The following ACAT2 variants were observed in gnomAD, a reference collection of about 807,000 sequenced individuals.
ACAT2 encodes the protein acetyl-CoA acetyltransferase, cytosolic.
In ACAT2, 26 loss-of-function variants were observed where a neutral mutation model predicts 37.1. The ratio of observed to expected loss-of-function variants is 0.70; its 90% confidence interval spans 0.51 to 0.97. The LOEUF (loss-of-function observed/expected upper bound fraction) is 0.97. Among genes scored for constraint, ACAT2 ranks in the 50% least tolerant of loss-of-function variants. The pLI is 0.00. For missense variants in ACAT2, 468 were observed against 489.0 expected (o/e 0.96, Z 0.40); for synonymous variants, 156 against 163.6 (o/e 0.95, Z 0.35).
intron 4 of ACAT2, among the ~76,000 whole-genome samples, chr6:159,771,319 G>A (rs958228588): frequency 2.0e-5 from 3 of 152,156 alleles, no homozygotes; most frequent in Admixed American, 6.5e-5. Flanking sequence ...GGCGGAGGTT[G>A]CGTTGAGCTG....
chr6:159,775,399 AT>A, intron 5 of ACAT2, 86 bp downstream of exon 5: 1 of 1,449,674 alleles, frequency 6.9e-7, no homozygotes, highest in Non-Finnish European at 9.4e-7. Context: ...ATCTTTAGAA[AT>A]TATATCTTAG....
chr6:159,762,714 G>C (rs768048368), intron 1 of ACAT2: 2 of 1,526,802 alleles, frequency 1.3e-6, no homozygotes, highest in Non-Finnish European at 1.8e-6. Context: ...TCTGGAGGTC[G>C]CCTGTCCAGC....
At position 159,778,164 on chromosome 6, in the gene ACAT2, C is replaced by T; in HGVS notation, c.913-6C>T. ...TAGACCTCTTTTCTATGAATCTTTC[C>T]TCTAGGTTACAAAAGCAGGTTGGTC... is the stretch of plus-strand genomic sequence containing the variant. On this transcript the variant is annotated splice_region_variant and splice_polypyrimidine_tract_variant and intron_variant, in intron 7 of 8. Coordinates refer to ENST00000367048, the MANE Select transcript of ACAT2 (RefSeq NM_005891.3). 1 of 1,598,098 alleles carries T rather than the reference C, an allele frequency of 6.3e-7. No individual in the cohort carries two copies. The highest frequency in any genetic ancestry group is 8.6e-7 in the Non-Finnish European group (1 of 1,168,280).
At position 159,779,053 on chromosome 6, in the gene ACAT2, T is replaced by A. The variant is rs1062659; in HGVS notation, c.*224T>A. On this transcript the variant is annotated 3_prime_UTR_variant, in exon 9 of 9. Transcript: ENST00000367048. ...ATAAAAGGAACATCAGATCAATCAT[T>A]AAGGGCTCCAGAGTGAACAGCATCT... 6.2e-7 allele frequency: 1 copy of A among 1,613,004 alleles called. No individual in the cohort carries two copies. The highest frequency in any genetic ancestry group is 1.3e-5 in the African/African-American group (1 of 74,886).
chr6:159,777,483 G>A (rs140757175), intron 7 of ACAT2, 27 bp downstream of exon 7: 1 of 1,595,788 alleles, frequency 6.3e-7, no homozygotes, highest in Admixed American at 1.8e-5. Flanking sequence ...TCCCTTTTAT[G>A]AAATTTGTCT....
chr6:159,773,003 C>G (rs879522825), intron 4 of ACAT2, among the ~76,000 whole-genome samples: 5 of 152,076 alleles, frequency 3.3e-5, no homozygotes, highest in African/African-American at 7.2e-5. Flanking sequence ...CAGGTACTCA[C>G]CACCATGCCT....
chr6:159,775,136 A>G, intron 4 of ACAT2, 34 bp from the exon 5 acceptor site: 1 of 1,610,546 alleles, frequency 6.2e-7, no homozygotes, highest in Non-Finnish European at 8.5e-7. Context: ...GTTCATGAAA[A>G]TGTTAGTTTT....
At chr6:159,776,665 T>C (rs1780420256) in intron 6 of ACAT2, among the ~76,000 whole-genome samples, 1 of 152,228 alleles carries the variant, frequency 6.6e-6, no homozygotes, top group Non-Finnish European at 1.5e-5. Flanking sequence ...AGAAGTAAAT[T>C]AGGGAACTTC....
chr6:159,778,639 A>C lies in ACAT2; in HGVS notation c.1024-20A>C, dbSNP rs1437207234. 1 of 1,611,668 alleles carries C rather than the reference A, an allele frequency of 6.2e-7. No homozygotes were observed. The highest frequency in any genetic ancestry group is 1.7e-5 in the Admixed American group (1 of 59,872). On this transcript the variant is annotated intron_variant, in intron 8 of 8. Transcript: ENST00000367048. ...TGTCCACAGAAGAATAAACAATCTA[A>C]ATCTTTTCTCCCCCGTTAGGTCAAT...
At chr6:159,776,749 C>G (rs1229235738) in intron 6 of ACAT2, among the ~76,000 whole-genome samples, 1 of 152,136 alleles carries the variant, frequency 6.6e-6, no homozygotes, top group Non-Finnish European at 1.5e-5. Flanking sequence ...GCTTATTCTT[C>G]CATTTCCTGT....
chr6:159,764,728 C>T (rs1189152574), intron 2 of ACAT2, among the ~76,000 whole-genome samples: 1 of 152,196 alleles, frequency 6.6e-6, no homozygotes, highest in Non-Finnish European at 1.5e-5. Context: ...CTAGCTGGGA[C>T]TACCGGTGCA....
intron 1 of ACAT2, chr6:159,762,556 G>A: frequency 7.5e-7 from 1 of 1,334,020 alleles, no homozygotes; most frequent in African/African-American, 1.5e-5. Context: ...GTCACACAAT[G>A]GCTAGAAGTC....
At chr6:159,764,577 TG>T (rs1211062051) in intron 2 of ACAT2, among the ~76,000 whole-genome samples, 1 of 152,130 alleles carries the variant, frequency 6.6e-6, no homozygotes, top group Admixed American at 6.6e-5. Flanking sequence ...CTGGAGTAGC[TG>T]GGATTACAGG....
At chr6:159,778,582 G>A (rs1780487139) in intron 8 of ACAT2, 77 bp from the exon 9 acceptor site, 8 of 1,495,936 alleles carry the variant, frequency 5.3e-6, no homozygotes, top group Non-Finnish European at 7.3e-6. Flanking sequence ...GATACATTAA[G>A]AGGAAAAAGA....
chr6:159,763,557 G>C (rs1369134863), intron 2 of ACAT2, among the ~76,000 whole-genome samples: 1 of 146,232 alleles, frequency 6.8e-6, no homozygotes, highest in Non-Finnish European at 1.5e-5. Context: ...AAAAGACTTA[G>C]CTTCATTAAT....
chr6:159,773,516 G>C (rs1232791840), intron 4 of ACAT2, among the ~76,000 whole-genome samples: 1 of 152,172 alleles, frequency 6.6e-6, no homozygotes, highest in East Asian at 1.9e-4. Flanking sequence ...GCAGCCTACG[G>C]GGCTTCCACT....
chr6:159,775,666 C>T, intron 5 of ACAT2: 1 of 218,630 alleles, frequency 4.6e-6, no homozygotes, highest in Non-Finnish European at 9.0e-6. Flanking sequence ...CCCATTACTT[C>T]TCGCTGTTTC....
rs73585623 is a variant in ACAT2, at chr6:159,775,431, A to G, written c.634+118A>G. 39,334 of 1,237,706 alleles carry G rather than the reference A, an allele frequency of 0.032. 925 individuals carry two copies. The highest frequency in any genetic ancestry group is 0.084 in the Middle Eastern group (342 of 4,082). 76.7% of individuals were successfully genotyped at this position (1,237,706 alleles called of 1,614,324 possible). On this transcript the variant is annotated intron_variant, in intron 5 of 8. Transcript: ENST00000367048. The stretch of plus-strand genomic sequence containing the variant: ...CTTAGTTATGTTTTTCAGGTTGCAA[A>G]TATATGTCCTGGATACATGAATGTG...
intron 4 of ACAT2, among the ~76,000 whole-genome samples, chr6:159,773,088 A>C (rs1780363314): frequency 6.6e-6 from 1 of 151,966 alleles, no homozygotes; most frequent in Non-Finnish European, 1.5e-5. Context: ...TCCTGAGCTC[A>C]AGGGATCCTC....
Sources: gnomAD v4.1 joint callset for allele counts (sites outside exome capture counted in the v4.1 genomes callset) on GRCh38, gnomAD v4.1.1 for gene constraint, MANE v1.5 for transcripts, NCBI Gene and HGNC (gene_info 2026-07-23, HGNC 2026-07-21) for gene names.